Variants in FAT3 observed in about 807,000 individuals in gnomAD.
The protein encoded by FAT3 is protocadherin Fat 3.
In FAT3, 95 loss-of-function variants were observed where a neutral mutation model predicts 310.2. The observed-to-expected ratio is 0.31, with a 90% CI of 0.26 to 0.36. The LOEUF (loss-of-function observed/expected upper bound fraction) is 0.36. Ranked by LOEUF, FAT3 falls within the 10% of genes least tolerant of loss-of-function variation. The probability of loss-of-function intolerance (pLI) is 1.00; values close to 1 mark genes in which losing one functional copy is unlikely to be tolerated. For missense variants in FAT3, 5,408 were observed against 5,715.6 expected, an observed-to-expected ratio of 0.95 and a Z score of 1.74; for synonymous variants, 2,314 against 2,192.9, an observed-to-expected ratio of 1.06 and a Z score of -1.54.
At chr11:92,361,502 G>C (rs1396871693) in intron 2 of FAT3, among the ~76,000 whole-genome samples, 2 of 152,080 alleles carry the variant, frequency 1.3e-5, no homozygotes, top group African/African-American at 4.8e-5. Flanking sequence ...ACAGGCTCCA[G>C]CTAGCTCCCC....
At chr11:92,662,503 G>A (rs1405976296) in intron 3 of FAT3, among the ~76,000 whole-genome samples, 1 of 152,174 alleles carries the variant, frequency 6.6e-6, no homozygotes, top group Non-Finnish European at 1.5e-5. Context: ...TTACAGCCTG[G>A]ATTTAGCCAT....
At chr11:92,772,829 A>G (rs575411799) in intron 6 of FAT3, among the ~76,000 whole-genome samples, 148 of 152,238 alleles carry the variant, frequency 9.7e-4, no homozygotes, top group Middle Eastern at 3.4e-3. Flanking sequence ...GTCATTGTAC[A>G]TCAGATTCTA....
At chr11:92,462,548 A>G (rs80054762) in intron 2 of FAT3, among the ~76,000 whole-genome samples, 1,767 of 152,316 alleles carry the variant, frequency 0.012, 25 homozygotes, top group Middle Eastern at 0.017. Context: ...AAAGGAAGGT[A>G]AAACCAAAGT....
At chr11:92,773,781 A>C (rs1252893617) in intron 6 of FAT3, among the ~76,000 whole-genome samples, 1 of 152,162 alleles carries the variant, frequency 6.6e-6, no homozygotes, top group African/African-American at 2.4e-5. Context: ...TTTATGCTTC[A>C]CTACTCTAAC....
At chr11:92,396,198 C>T (rs76655399) in intron 2 of FAT3, among the ~76,000 whole-genome samples, 7,382 of 152,204 alleles carry the variant, frequency 0.049, 629 homozygotes, top group African/African-American at 0.17. Flanking sequence ...AGGCATTTTA[C>T]AACTTTAATG....
chr11:92,344,207 A>G (rs1948349151), intron 1 of FAT3, among the ~76,000 whole-genome samples: 2 of 152,204 alleles, frequency 1.3e-5, no homozygotes, highest in South Asian at 2.1e-4. Context: ...TCCACTGCCA[A>G]CCACTGTCCC....
chr11:92,356,951 G>T (rs1948749294), intron 2 of FAT3, among the ~76,000 whole-genome samples: 2 of 152,014 alleles, frequency 1.3e-5, no homozygotes, highest in Non-Finnish European at 2.9e-5. Flanking sequence ...TCTAATTATG[G>T]CCAGTGTAAA....
At chr11:92,686,544 G>T (rs955491824) in intron 3 of FAT3, among the ~76,000 whole-genome samples, 1 of 151,820 alleles carries the variant, frequency 6.6e-6, no homozygotes, top group Non-Finnish European at 1.5e-5. Context: ...AAACTAATGG[G>T]GTTTTACAAT....
At chr11:92,381,393 C>T (rs1039736869) in intron 2 of FAT3, among the ~76,000 whole-genome samples, 3 of 152,076 alleles carry the variant, frequency 2.0e-5, no homozygotes, top group Admixed American at 2.0e-4. Context: ...TATACCTGTA[C>T]TCCTAGCTAC....
chr11:92,764,955 C>G lies in FAT3; in HGVS notation c.4061C>G (p.Pro1354Arg), dbSNP rs1291928529. 4.3e-6 allele frequency: 7 copies of G among 1,613,716 alleles called. No individual in the cohort carries two copies. In the Admixed American group the frequency reaches 1.2e-4, roughly 27 times the overall value. The change falls in exon 6 of 28, where the codon CCC (proline) becomes CGC (arginine). Residue 1354 changes from proline (P) to arginine (R), a missense_variant. Transcript: ENST00000525166. ...RLHIEWIKKP[P>R]PSPIPLTFDE... ...CACATTGAATGGATTAAGAAACCAC[C>G]CCCTTCACCTATACCATTGACCTTC...
chr11:92,441,385 A>C (rs1272222952), intron 2 of FAT3, among the ~76,000 whole-genome samples: 1 of 152,210 alleles, frequency 6.6e-6, no homozygotes, highest in African/African-American at 2.4e-5. Context: ...AAACAATTTA[A>C]TCTTGCTTTC....
At chr11:92,565,066 A>C (rs534199068) in intron 3 of FAT3, among the ~76,000 whole-genome samples, 2 of 144,640 alleles carry the variant, frequency 1.4e-5, no homozygotes, top group African/African-American at 5.0e-5. Context: ...TAGAGACACA[A>C]TAAACCCTTC....
At chr11:92,707,708 T>C (rs1224179320) in intron 4 of FAT3, among the ~76,000 whole-genome samples, 1 of 152,180 alleles carries the variant, frequency 6.6e-6, no homozygotes, top group Non-Finnish European at 1.5e-5. Flanking sequence ...TTCTTTCCTT[T>C]GTGTTGCTTT....
chr11:92,236,577 T>G (rs1864429223), intron 1 of FAT3, among the ~76,000 whole-genome samples: 1 of 152,190 alleles, frequency 6.6e-6, no homozygotes, highest in African/African-American at 2.4e-5. Flanking sequence ...TCTGTGAGTT[T>G]AACAAACAAA....
intron 2 of FAT3, among the ~76,000 whole-genome samples, chr11:92,478,216 T>C (rs979487149): frequency 2.0e-5 from 3 of 152,222 alleles, no homozygotes; most frequent in Non-Finnish European, 4.4e-5. Flanking sequence ...GTAACCGAAT[T>C]CATCACCTTG....
intron 1 of FAT3, among the ~76,000 whole-genome samples, chr11:92,230,069 A>G (rs112429356): frequency 1.2e-4 from 18 of 152,232 alleles, no homozygotes; most frequent in African/African-American, 4.3e-4. Context: ...GGACCCTGAG[A>G]GGAGTCCTTG....
In FAT3 at chr11:92,799,272, C is replaced by G; in HGVS notation, c.6259C>G (p.Leu2087Val). 1.2e-6 allele frequency: 2 copies of G among 1,613,880 alleles called. No individual in the cohort carries two copies. Among genetic ancestry groups the G allele is most frequent in the Non-Finnish European group, 1.7e-6 (2 of 1,179,864 alleles). The change falls in exon 10 of 28, where the codon CTC (leucine) becomes GTC (valine). Residue 2087 changes from leucine to valine, a missense_variant. Physicochemically the swap from Leu to Val is conservative, Grantham distance 32 (BLOSUM62 1). This residue lies in a region of FAT3 where 4,588 missense variants were observed against 4,809.8 expected (regional missense o/e 0.95). Transcript: ENST00000525166. ...TGACAATTCTCCAGTCTTTGTGGGC[C>G]TCCCATACTATGCTGCTGTTCAAGT... ...INDNSPVFVG[L>V]PYYAAVQVDA...
intron 2 of FAT3, among the ~76,000 whole-genome samples, chr11:92,424,581 G>C (rs1444597360): frequency 1.3e-5 from 2 of 152,126 alleles, no homozygotes; most frequent in East Asian, 1.9e-4. Context: ...CAGTCTAGTA[G>C]TAGACTGCAA....
chr11:92,243,703 A>G (rs1434473038), intron 1 of FAT3, among the ~76,000 whole-genome samples: 1 of 152,004 alleles, frequency 6.6e-6, no homozygotes, highest in Non-Finnish European at 1.5e-5. Flanking sequence ...TGTCCTGATA[A>G]TAGGATAAAA....
Sources: gnomAD v4.1 joint callset for allele counts (sites outside exome capture counted in the v4.1 genomes callset) on GRCh38, gnomAD v4.1.1 for gene constraint, gnomAD v4.1.1 regional missense constraint, MANE v1.5 for transcripts, NCBI Gene and HGNC (gene_info 2026-07-23, HGNC 2026-07-21) for gene names.